The following ZRANB3 variants were observed in gnomAD, a reference collection of about 807,000 sequenced individuals.
ZRANB3 encodes the protein DNA annealing helicase and endonuclease ZRANB3.
In ZRANB3, 125 loss-of-function variants were observed where a neutral mutation model predicts 133.8. The ratio of observed to expected loss-of-function variants is 0.93; its 90% CI spans 0.81 to 1.08. ZRANB3 has a LOEUF of 1.08. ZRANB3 is among the 50% of genes least tolerant of loss of function. ZRANB3 has a pLI of 0.00. For missense variants in ZRANB3, 1,229 were observed against 1,275.5 expected, an observed-to-expected ratio of 0.96 and a Z score of 0.56; for synonymous variants, 387 against 432.7, an observed-to-expected ratio of 0.89 and a Z score of 1.31.
intron 12 of ZRANB3, among the ~76,000 whole-genome samples, chr2:135,256,746 A>G (rs1424471463): frequency 6.6e-6 from 1 of 152,212 alleles, no homozygotes; most frequent in Non-Finnish European, 1.5e-5. Flanking sequence ...GCTGGGCTGC[A>G]TTTCAAGGAT....
At chr2:135,212,566 A>C (rs908366830) in intron 17 of ZRANB3, among the ~76,000 whole-genome samples, 2 of 152,228 alleles carry the variant, frequency 1.3e-5, no homozygotes, top group African/African-American at 4.8e-5. Flanking sequence ...CAGACGAACA[A>C]ATTCCAAAAA....
intron 12 of ZRANB3, among the ~76,000 whole-genome samples, chr2:135,235,152 T>C (rs1253187814): frequency 3.3e-5 from 5 of 152,030 alleles, no homozygotes; most frequent in South Asian, 4.2e-4. Flanking sequence ...GAGAATACTA[T>C]AAACACCTCT....
At chr2:135,313,016 T>A (rs1683074212) in intron 8 of ZRANB3, among the ~76,000 whole-genome samples, 1 of 145,918 alleles carries the variant, frequency 6.9e-6, no homozygotes. Flanking sequence ...TAAGATTCCG[T>A]CTTTAAAAAA....
intron 12 of ZRANB3, 21 bp downstream of exon 12, chr2:135,265,513 G>T (rs1680189249): frequency 1.3e-6 from 2 of 1,584,200 alleles, no homozygotes; most frequent in South Asian, 2.4e-5. Context: ...AAATAGAAAA[G>T]AGTAAGGCAT....
At position 135,350,069 on chromosome 2, in the gene ZRANB3, C is replaced by T. The variant is rs746398124; in HGVS notation, c.506G>A (p.Arg169His). The change falls in exon 5 of 21, where the codon CGC becomes CAC. Residue 169 changes from arginine to histidine, a missense_variant. Physicochemically the swap from Arg to His is conservative, Grantham distance 29. Coordinates refer to ENST00000264159, the MANE Select transcript of ZRANB3 (RefSeq NM_032143.4). ...SHYMKSRNAT[R>H]SRILLPIVQK... ...TACTATTGGCAATAAAATCCTGCTG[C>T]GAGTTGCATTTCTGGATTTCATGTA... is the stretch of plus-strand genomic sequence containing the variant. 21 of 1,613,606 alleles carry T rather than the reference C, an allele frequency of 1.3e-5. No homozygotes were observed. Among genetic ancestry groups the T allele is most frequent in the African/African-American group, 2.7e-5 (2 of 74,874 alleles).
intron 2 of ZRANB3, among the ~76,000 whole-genome samples, chr2:135,481,090 T>C (rs1380422086): frequency 2.0e-5 from 3 of 152,082 alleles, no homozygotes; most frequent in Non-Finnish European, 4.4e-5. Flanking sequence ...AGCATGTGTC[T>C]TTATAGCAGC....
intron 12 of ZRANB3, among the ~76,000 whole-genome samples, chr2:135,261,226 T>C (rs1271822608): frequency 3.9e-5 from 6 of 152,082 alleles, no homozygotes; most frequent in Admixed American, 3.3e-4. Context: ...ATCAAATTCA[T>C]AGGAAAATTC....
At chr2:135,274,486 A>G (rs192357775) in intron 9 of ZRANB3, among the ~76,000 whole-genome samples, 51 of 152,328 alleles carry the variant, frequency 3.3e-4, no homozygotes, top group Admixed American at 2.7e-3. Context: ...AGGTAAATAA[A>G]AAGTCTAACG....
At chr2:135,295,224 A>G (rs982110294) in intron 8 of ZRANB3, among the ~76,000 whole-genome samples, 34 of 152,268 alleles carry the variant, frequency 2.2e-4, no homozygotes, top group African/African-American at 7.7e-4. Context: ...GTCTCTTTGT[A>G]GGTCACTAAG....
At position 135,341,023 on chromosome 2, in the gene ZRANB3, T is replaced by G. The variant is rs1025642795; in HGVS notation, c.677+4527A>C. ...GTGTAGAGAAAGACAACTGACTATT[T>G]ATTGATTGATTGATTGATTTTGAGA... On this transcript the variant is annotated intron_variant, in intron 6 of 20. Coordinates refer to ENST00000264159, the MANE Select transcript of ZRANB3 (RefSeq NM_032143.4). 2.7e-4 allele frequency among the ~76,000 whole-genome samples: 40 copies of G among 149,344 alleles called. 1 individual carries two copies. The highest frequency in any genetic ancestry group is 1.4e-3 in the East Asian group (7 of 5,178).
chr2:135,478,360 T>G (rs1691594881), intron 2 of ZRANB3, among the ~76,000 whole-genome samples: 1 of 151,942 alleles, frequency 6.6e-6, no homozygotes, highest in Non-Finnish European at 1.5e-5. Flanking sequence ...TAGCACCAAG[T>G]TAAAGAAACA....
At chr2:135,217,331 C>G (rs775219445) in intron 17 of ZRANB3, 134 bp downstream of exon 17, 23 of 834,746 alleles carry the variant, frequency 2.8e-5, no homozygotes, top group Non-Finnish European at 3.7e-5. Flanking sequence ...AACAATATGG[C>G]TGTGATTTTA....
intron 1 of ZRANB3, chr2:135,511,833 G>T: frequency 1.3e-6 from 1 of 762,130 alleles, no homozygotes; most frequent in Non-Finnish European, 2.5e-6. Flanking sequence ...CATAAGAAGA[G>T]TTCCTTCCAT....
intron 17 of ZRANB3, among the ~76,000 whole-genome samples, chr2:135,209,927 TA>T (rs1694028413): frequency 1.3e-5 from 2 of 152,236 alleles, no homozygotes; most frequent in African/African-American, 4.8e-5. Context: ...CCTTTTTTAA[TA>T]AACTATTTTA....
intron 14 of ZRANB3, among the ~76,000 whole-genome samples, chr2:135,227,007 T>A (rs1407007419): frequency 6.6e-6 from 1 of 152,218 alleles, no homozygotes; most frequent in Non-Finnish European, 1.5e-5. Flanking sequence ...GAACATTTCA[T>A]TTTAAAGCTA....
chr2:135,328,975 G>T (rs188571835), intron 6 of ZRANB3, among the ~76,000 whole-genome samples: 1 of 152,212 alleles, frequency 6.6e-6, no homozygotes, highest in African/African-American at 2.4e-5. Flanking sequence ...TTTCAGATGG[G>T]TAAATTGCAA....
At chr2:135,494,093 T>C (rs554924612) in intron 2 of ZRANB3, among the ~76,000 whole-genome samples, 9 of 136,020 alleles carry the variant, frequency 6.6e-5, no homozygotes, top group Non-Finnish European at 1.2e-4. Flanking sequence ...AATGGATGGA[T>C]AGAAATAGAA....
intron 2 of ZRANB3, among the ~76,000 whole-genome samples, chr2:135,402,529 C>T (rs1031146911): frequency 6.6e-6 from 1 of 151,868 alleles, no homozygotes. Context: ...CTCCTGACCT[C>T]ATGATCCACC....
At chr2:135,492,922 C>T (rs996390224) in intron 2 of ZRANB3, among the ~76,000 whole-genome samples, 6 of 151,304 alleles carry the variant, frequency 4.0e-5, no homozygotes, top group Admixed American at 2.0e-4. Flanking sequence ...AGGAAACAAA[C>T]AGGAAATAGA....
Sources: gnomAD v4.1 joint callset for allele counts (sites outside exome capture counted in the v4.1 genomes callset) on GRCh38, gnomAD v4.1.1 for gene constraint, MANE v1.5 for transcripts, NCBI Gene and HGNC (gene_info 2026-07-23, HGNC 2026-07-21) for gene names.